The following ANKRD12 variants were observed in gnomAD, a reference collection of about 807,000 sequenced individuals.
The protein encoded by ANKRD12 is ankyrin repeat domain-containing protein 12.
A neutral mutation model predicts 183.4 loss-of-function variants in ANKRD12; 85 were observed. That is an observed-to-expected ratio of 0.46 (90% confidence interval 0.39 to 0.56). The LOEUF (loss-of-function observed/expected upper bound fraction) is 0.56. Among genes scored for constraint, ANKRD12 ranks in the 20% least tolerant of loss-of-function variants. The pLI is 0.00. For synonymous variants in ANKRD12, 914 were observed against 800.2 expected (o/e 1.14, Z -2.40); for missense variants, 2,405 against 2,357.1 (o/e 1.02, Z -0.42).
At chr18:9,233,652 G>T (rs1004364367) in intron 8 of ANKRD12, among the ~76,000 whole-genome samples, 1 of 152,184 alleles carries the variant, frequency 6.6e-6, no homozygotes, top group Non-Finnish European at 1.5e-5. Flanking sequence ...GCGTGATAGT[G>T]CAGTGTAATG....
intron 8 of ANKRD12, 70 bp from the exon 9 acceptor site, chr18:9,254,140 GA>G (rs35153508): frequency 1.4e-4 from 194 of 1,422,674 alleles, no homozygotes; most frequent in African/African-American, 1.0e-3. Flanking sequence ...CTTTTTCTCA[GA>G]AAAAAAAATT....
chr18:9,179,914 G>C (rs2033575007), intron 1 of ANKRD12, among the ~76,000 whole-genome samples: 3 of 152,162 alleles, frequency 2.0e-5, no homozygotes, highest in African/African-American at 7.2e-5. Context: ...CCTATCTTGG[G>C]GAGTATTCTG....
rs757931647 is a variant in ANKRD12, at chr18:9,255,971, A to C, written c.2704A>C (p.Lys902Gln). 1 of 1,573,988 alleles carries C rather than the reference A, an allele frequency of 6.4e-7. No homozygotes were observed. The highest frequency in any genetic ancestry group is 8.6e-7 in the Non-Finnish European group (1 of 1,168,652). The change falls in exon 9 of 13, where the codon AAA (lysine) becomes CAA (glutamine). Residue 902 changes from lysine to glutamine, a missense_variant. This residue lies in a region of ANKRD12 where 1,983 missense variants were observed against 1,725.9 expected (regional missense o/e 1.15). Coordinates refer to ENST00000262126, the MANE Select transcript of ANKRD12 (RefSeq NM_015208.5). ...AAIKKTDDRE[K>Q]SREKMDRKHD... is the part of the protein sequence containing the mutation. ...TATTAAAAAAACTGACGACAGAGAG[A>C]AAAGTAGAGAAAAGATGGATAGGAA...
intron 8 of ANKRD12, among the ~76,000 whole-genome samples, chr18:9,242,048 T>C (rs547103709): frequency 5.3e-5 from 8 of 151,694 alleles, no homozygotes; most frequent in African/African-American, 1.4e-4. Flanking sequence ...TGTATATATA[T>C]ACACACACAC....
chr18:9,161,094 CTGTG>C (rs751741395), intron 1 of ANKRD12, among the ~76,000 whole-genome samples: 2 of 151,356 alleles, frequency 1.3e-5, no homozygotes, highest in Non-Finnish European at 3.0e-5. Flanking sequence ...TTGCCTTGGC[CTGTG>C]TGTGTGTGTG....
intron 5 of ANKRD12, among the ~76,000 whole-genome samples, chr18:9,210,994 T>C (rs2035772874): frequency 6.6e-6 from 1 of 151,972 alleles, no homozygotes; most frequent in Non-Finnish European, 1.5e-5. Context: ...TTGGGCATCA[T>C]CTAATTTAAC....
At position 9,254,568 on chromosome 18, in the gene ANKRD12, T is replaced by A. The variant is rs369836818; in HGVS notation, c.1301T>A (p.Leu434His). Reference protein sequence around the residue: ...SSTESSDEEALQNKKISTSCS... With the variant: ...SSTESSDEEAHQNKKISTSCS... ...ACTGAAAGTTCTGATGAAGAAGCTC[T>A]TCAGAATAAAAAGATTTCTACTTCA... Residue 434 changes from leucine to histidine, a missense_variant, in exon 9 of 13, where the codon CTT becomes CAT. Transcript: ENST00000262126. The A allele has an allele frequency of 7.7e-6, 12 of 1,566,642 alleles. No individual in the cohort carries two copies.
chr18:9,253,256 TA>T (rs563842923), intron 8 of ANKRD12, among the ~76,000 whole-genome samples: 194 of 152,322 alleles, frequency 1.3e-3, no homozygotes, highest in African/African-American at 4.5e-3. Context: ...TAAATAACTA[TA>T]GTTGCTCTAT....
At chr18:9,169,718 A>G (rs2032488219) in intron 1 of ANKRD12, among the ~76,000 whole-genome samples, 2 of 152,118 alleles carry the variant, frequency 1.3e-5, no homozygotes, top group Non-Finnish European at 2.9e-5. Flanking sequence ...TTACATTTAA[A>G]GTTAATATTG....
intron 1 of ANKRD12, among the ~76,000 whole-genome samples, chr18:9,174,976 A>C (rs2033128584): frequency 6.6e-6 from 1 of 152,138 alleles, no homozygotes; most frequent in South Asian, 2.1e-4. Flanking sequence ...CATTCCTGAG[A>C]CAGAGTCTTG....
At chr18:9,203,528 G>T (rs2035299032) in intron 3 of ANKRD12, among the ~76,000 whole-genome samples, 1 of 152,032 alleles carries the variant, frequency 6.6e-6, no homozygotes, top group Admixed American at 6.6e-5. Context: ...AAAGTCAATT[G>T]TCCATATTCA....
intron 8 of ANKRD12, among the ~76,000 whole-genome samples, chr18:9,234,479 G>A (rs528781892): frequency 1.3e-5 from 2 of 152,216 alleles, no homozygotes; most frequent in South Asian, 4.1e-4. Flanking sequence ...CAGGGGCTTC[G>A]TTTTTGGTAC....
chr18:9,168,094 T>C (rs1277862337), intron 1 of ANKRD12, among the ~76,000 whole-genome samples: 1 of 152,226 alleles, frequency 6.6e-6, no homozygotes, highest in Non-Finnish European at 1.5e-5. Flanking sequence ...GATAAGCTTC[T>C]TGATGTGCTG....
chr18:9,275,661 C>T lies in ANKRD12; in HGVS notation c.5901C>T (p.Asp1967=). The part of the protein sequence containing the change: ...LDAEVYNVPL[D]SQSDDSKTSV... ...CCGAAGTATACAATGTACCATTGGA[C>T]TCTCAGGTAAAATGTTTGTTGATAC... The change falls in exon 11 of 13, where the codon GAC becomes GAT. Residue 1967 remains aspartate (D), a synonymous_variant. Transcript: ENST00000262126. The T allele has an allele frequency of 5.1e-6, 8 of 1,564,298 alleles. No homozygotes were observed. The highest frequency in any genetic ancestry group is 7.0e-6 in the Non-Finnish European group (8 of 1,146,440).
At chr18:9,224,615 T>C (rs1172278533) in intron 8 of ANKRD12, among the ~76,000 whole-genome samples, 1 of 152,158 alleles carries the variant, frequency 6.6e-6, no homozygotes, top group Non-Finnish European at 1.5e-5. Flanking sequence ...TACACTGTTG[T>C]TGAGAGTGCT....
At chr18:9,165,702 T>TA (rs2031968147) in intron 1 of ANKRD12, among the ~76,000 whole-genome samples, 2 of 152,074 alleles carry the variant, frequency 1.3e-5, no homozygotes, top group Admixed American at 6.6e-5. Context: ...CTCCTTTTTT[T>TA]ATTTATTTTT....
intron 5 of ANKRD12, among the ~76,000 whole-genome samples, chr18:9,211,144 C>T (rs746560415): frequency 2.0e-5 from 3 of 151,926 alleles, no homozygotes; most frequent in Non-Finnish European, 4.4e-5. Context: ...ATCGTTATGA[C>T]CTTGATTTGC....
At chr18:9,200,683 T>C (rs2035112432) in intron 3 of ANKRD12, 1 of 152,232 alleles carries the variant, frequency 6.6e-6, no homozygotes, top group South Asian at 2.1e-4. Flanking sequence ...GTACATATAA[T>C]AGTATCAGTT....
chr18:9,154,860 C>T (rs755211494), intron 1 of ANKRD12, among the ~76,000 whole-genome samples: 74 of 152,036 alleles, frequency 4.9e-4, no homozygotes, highest in Non-Finnish European at 9.7e-4. Context: ...TCTCTGTAGT[C>T]CTTTTTGGTT....
Sources: allele counts gnomAD v4.1 joint callset (sites outside exome capture counted in the v4.1 genomes callset), GRCh38; gene constraint gnomAD v4.1.1; regional missense constraint gnomAD v4.1.1; transcripts MANE v1.5; gene names NCBI Gene and HGNC (gene_info 2026-07-23, HGNC 2026-07-21).